The following TMEM50B variants were observed in gnomAD, a reference collection of about 807,000 sequenced individuals.
The protein encoded by TMEM50B is transmembrane protein 50B, also known as HCV p7-trans-regulated protein 3.
TMEM50B carries 14 observed loss-of-function variants against 23.4 expected under a neutral mutation model. The ratio of observed to expected loss-of-function variants is 0.60; its 90% CI spans 0.39 to 0.93. The LOEUF (loss-of-function observed/expected upper bound fraction) is 0.93. Ranked by LOEUF, TMEM50B falls within the 40% of genes least tolerant of loss-of-function variation. The pLI, the probability that TMEM50B is intolerant of heterozygous loss-of-function variation, is 0.00. For synonymous variants in TMEM50B, 64 were observed against 62.3 expected, an observed-to-expected ratio of 1.03 and a Z score of -0.13; for missense variants, 159 against 193.0, an observed-to-expected ratio of 0.82 and a Z score of 1.04.
At chr21:33,436,848 GC>G in intron 8 of TMEM50B, 1 of 1,614,126 alleles carries the variant, frequency 6.2e-7, no homozygotes, top group Non-Finnish European at 8.5e-7. Context: ...ACCCAACTCA[GC>G]CCATCTTAGA....
downstream of TMEM50B, among the ~76,000 whole-genome samples, chr21:33,446,633 A>G (rs1307680141): frequency 2.3e-5 from 3 of 131,180 alleles, no homozygotes; most frequent in Admixed American, 2.5e-4. Context: ...AAAGACATAC[A>G]ATACACACAC....
intron 6 of TMEM50B, among the ~76,000 whole-genome samples, chr21:33,453,001 G>GA (rs1374844469): frequency 6.6e-6 from 1 of 152,176 alleles, no homozygotes; most frequent in Non-Finnish European, 1.5e-5. Flanking sequence ...TGTCTGAGAT[G>GA]AAAAAATCAT....
intron 1 of TMEM50B, among the ~76,000 whole-genome samples, chr21:33,469,972 TA>T (rs2084298118): frequency 6.6e-6 from 1 of 152,092 alleles, no homozygotes; most frequent in African/African-American, 2.4e-5. Flanking sequence ...TGTAACGCAG[TA>T]AGACATAACT....
At chr21:33,448,300 CTCTT>C (rs1568974167), downstream of TMEM50B, among the ~76,000 whole-genome samples, 2 of 151,928 alleles carry the variant, frequency 1.3e-5, no homozygotes, top group Admixed American at 6.6e-5. Flanking sequence ...ACCACATTAT[CTCTT>C]TTTTTAAAAT....
downstream of TMEM50B, among the ~76,000 whole-genome samples, chr21:33,447,818 T>A (rs148507098): frequency 8.9e-3 from 1,355 of 152,062 alleles, 13 homozygotes; most frequent in Non-Finnish European, 0.013. Flanking sequence ...TGGAATACTC[T>A]GATAATATTG....
chr21:33,435,712 G>C (rs1034940165), intron 8 of TMEM50B, among the ~76,000 whole-genome samples: 2 of 151,738 alleles, frequency 1.3e-5, no homozygotes, highest in Non-Finnish European at 2.9e-5. Context: ...GTGAAACCCT[G>C]TCTCTACTAA....
Position 33,450,797 on chromosome 21 carries a change from A to C in TMEM50B, c.*21T>G, listed in dbSNP as rs200874783. On this transcript the variant is annotated 3_prime_UTR_variant, in exon 7 of 7. Transcript: ENST00000542230. ...TACAAACAGAATATAACAAAAGGAA[A>C]ATGTGACTTAAGAAGTGATCTCAGG... 6.2e-7 allele frequency: 1 copy of C among 1,605,474 alleles called. No individual in the cohort carries two copies. The highest frequency in any genetic ancestry group is 1.3e-5 in the African/African-American group (1 of 74,710).
rs1174676535 is a variant in TMEM50B at position 33,468,769 on chromosome 21, C to T, written c.99+18G>A. On this transcript the variant is annotated intron_variant, in intron 2 of 6. Coordinates refer to ENST00000542230, the MANE Select transcript of TMEM50B (RefSeq NM_006134.7). ...AAAGGTAAGGGATACATGTCACCAA[C>T]CAGTCTTTCTCACTTACCAATATAC... The T allele has an allele frequency of 6.2e-7, 1 of 1,600,926 alleles. No homozygotes were observed. The highest frequency in any genetic ancestry group is 2.2e-5 in the East Asian group (1 of 44,794).
intron 4 of TMEM50B, among the ~76,000 whole-genome samples, chr21:33,463,720 C>G (rs181248296): frequency 1.3e-5 from 2 of 152,084 alleles, no homozygotes; most frequent in African/African-American, 4.8e-5. Flanking sequence ...GAGATCAAGA[C>G]CAGCCTGAAC....
In TMEM50B at chr21:33,432,659, T is replaced by C. The variant is rs1532; in HGVS notation, c.*2264A>G. 1,152,424 of 1,579,122 alleles carry C rather than the reference T, an allele frequency of 0.73. 424,203 individuals carry two copies. Among genetic ancestry groups the C allele is most frequent in the East Asian group, 0.98 (43,684 of 44,700 alleles). On this transcript the variant is annotated 3_prime_UTR_variant and NMD_transcript_variant, in exon 9 of 9. Transcript: ENST00000420455. ...GCAGCATGGATGGAACATTAACTGA[T>C]GTTTGTGTTGTGCGTAGGAAGATCA... is the stretch of plus-strand genomic sequence containing the variant.
At position 33,465,395 on chromosome 21, in the gene TMEM50B, G is replaced by T. The variant is rs2084256501; in HGVS notation, c.227C>A (p.Ser76Tyr). ...TLAFFMINAV[S>Y]NAQVRGDSYE... ...GCTATCACCTCTCACCTGAGCATTGGATACAGCATTTATCCTAGAACGGCA... is the reference window on the plus strand; with the variant it reads ...GCTATCACCTCTCACCTGAGCATTGTATACAGCATTTATCCTAGAACGGCA... Residue 76 changes from serine (S) to tyrosine (Y), a missense_variant, in exon 4 of 7, where the codon TCC becomes TAC. Coordinates refer to ENST00000542230, the MANE Select transcript of TMEM50B (RefSeq NM_006134.7). 1 of 1,612,296 alleles carries T rather than the reference G, an allele frequency of 6.2e-7. No individual in the cohort carries two copies. Among genetic ancestry groups the T allele is most frequent in the Non-Finnish European group, 8.5e-7 (1 of 1,179,514 alleles).
At chr21:33,477,828 T>G (rs537652565) in intron 1 of TMEM50B, among the ~76,000 whole-genome samples, 56 of 144,158 alleles carry the variant, frequency 3.9e-4, no homozygotes, top group African/African-American at 1.4e-3. Flanking sequence ...TATATATATA[T>G]ATACATAAGT....
At chr21:33,478,398 T>G (rs1227320035) in intron 1 of TMEM50B, among the ~76,000 whole-genome samples, 1 of 151,898 alleles carries the variant, frequency 6.6e-6, no homozygotes, top group Non-Finnish European at 1.5e-5. Flanking sequence ...ACCCTAGAGG[T>G]GCAGGCTGCA....
intron 3 of TMEM50B, among the ~76,000 whole-genome samples, chr21:33,465,835 T>C (rs1295402527): frequency 7.0e-6 from 1 of 142,952 alleles, no homozygotes; most frequent in Non-Finnish European, 1.5e-5. Flanking sequence ...GTAGCTTATG[T>C]ATAATATGCC....
Position 33,436,996 on chromosome 21 carries a change from G to A in TMEM50B, c.*2120+2218C>T, listed in dbSNP as rs1428220622. The A allele has an allele frequency of 2.5e-6, 4 of 1,612,372 alleles. No individual in the cohort carries two copies. The Admixed American group carries it at 5.0e-5, about 20-fold the overall frequency. On this transcript the variant is annotated intron_variant and NMD_transcript_variant, in intron 8 of 8. Transcript: ENST00000420455. ...ATGGGCCTAGCCCACTGGCTCCCTGGAAGAGATCAAGCCATCGGAGCTGCT... is the reference window on the plus strand; with the variant it reads ...ATGGGCCTAGCCCACTGGCTCCCTGAAAGAGATCAAGCCATCGGAGCTGCT...
chr21:33,452,041 C>G (rs1405486097), intron 6 of TMEM50B, among the ~76,000 whole-genome samples: 1 of 152,162 alleles, frequency 6.6e-6, no homozygotes, highest in African/African-American at 2.4e-5. Context: ...CAGCTGTCAA[C>G]TATGTCCACC....
At chr21:33,439,007 C>T (rs563565112) in intron 8 of TMEM50B, among the ~76,000 whole-genome samples, 21 of 152,178 alleles carry the variant, frequency 1.4e-4, no homozygotes, top group African/African-American at 4.8e-4. Flanking sequence ...AGATCACAGG[C>T]GTGAGCCACC....
At chr21:33,436,759 C>A in intron 8 of TMEM50B, 3 of 1,232,574 alleles carry the variant, frequency 2.4e-6, no homozygotes, top group Middle Eastern at 1.9e-4. Flanking sequence ...AAAACAAAAA[C>A]TAAAGTTAAA....
chr21:33,468,417 T>C (rs1246743198), intron 2 of TMEM50B: 1 of 178,968 alleles, frequency 5.6e-6, no homozygotes, highest in African/African-American at 2.4e-5. Context: ...TGCAGAGTAC[T>C]GTCACTGTTG....
Sources: gnomAD v4.1 joint callset for allele counts (sites outside exome capture counted in the v4.1 genomes callset) on GRCh38, gnomAD v4.1.1 for gene constraint, MANE v1.5 for transcripts, NCBI Gene and HGNC (gene_info 2026-07-23, HGNC 2026-07-21) for gene names.